Variants in POTEJ observed in about 807,000 individuals in gnomAD.
POTEJ encodes the protein POTE ankyrin domain family member J.
In POTEJ, 11 loss-of-function variants were observed where a neutral mutation model predicts 69.0. That is an observed-to-expected ratio of 0.16 (90% CI 0.10 to 0.26). POTEJ has a LOEUF of 0.26. Ranked by LOEUF, POTEJ falls within the 10% of genes least tolerant of loss-of-function variation. POTEJ has a pLI of 1.00. For synonymous variants in POTEJ, 117 were observed against 381.1 expected (o/e 0.31, Z 8.07); for missense variants, 327 against 1,045.5 (o/e 0.31, Z 9.48).
At chr2:130,623,973 T>A (rs1685614122) in intron 5 of POTEJ, 91 bp from the exon 6 acceptor site, 1 of 1,298,400 alleles carries the variant, frequency 7.7e-7, no homozygotes, top group Non-Finnish European at 1.1e-6. Context: ...ATTCTGATAT[T>A]GTTTGAAATA....
At chr2:130,612,451 G>A (rs1292910423) in intron 1 of POTEJ, among the ~76,000 whole-genome samples, 7 of 152,108 alleles carry the variant, frequency 4.6e-5, no homozygotes, top group African/African-American at 1.7e-4. Flanking sequence ...TGCTTGAATA[G>A]GAAGATTGAA....
chr2:130,649,060 G>T, intron 13 of POTEJ, among the ~76,000 whole-genome samples: 1 of 140,394 alleles, frequency 7.1e-6, no homozygotes, highest in Non-Finnish European at 1.5e-5. Context: ...ATGACATGTT[G>T]GGATTACAGG....
At chr2:130,638,404 C>T (rs1196251922) in intron 9 of POTEJ, among the ~76,000 whole-genome samples, 1 of 150,290 alleles carries the variant, frequency 6.7e-6, no homozygotes, top group Non-Finnish European at 1.5e-5. Context: ...GGTCACAGTG[C>T]CCTCGATTTA....
chr2:130,632,830 A>C (rs1162959551), intron 9 of POTEJ, among the ~76,000 whole-genome samples, 174 bp downstream of exon 9: 1 of 144,150 alleles, frequency 6.9e-6, no homozygotes, highest in Non-Finnish European at 1.5e-5. Flanking sequence ...TCCAGTCATT[A>C]ATTTATTTGA....
At chr2:130,627,051 C>T (rs1685737243) in intron 6 of POTEJ, among the ~76,000 whole-genome samples, 1 of 152,152 alleles carries the variant, frequency 6.6e-6, no homozygotes, top group African/African-American at 2.4e-5. Context: ...AGAGAAATGT[C>T]AGATAATTTC....
chr2:130,622,969 C>G (rs1425867315), intron 5 of POTEJ: 2 of 144,358 alleles, frequency 1.4e-5, no homozygotes, highest in East Asian at 1.9e-4. Context: ...GGTCATTTGA[C>G]TATTTGCTGA....
Position 130,646,599 on chromosome 2 carries a change from G to C in POTEJ, c.1667+289G>C, listed in dbSNP as rs1483485351. 4.4e-3 allele frequency among the ~76,000 whole-genome samples: 628 copies of C among 143,596 alleles called. 1 individual carries two copies. Among genetic ancestry groups the C allele is most frequent in the African/African-American group, 0.017 (608 of 35,990 alleles). 94.2% of individuals were successfully genotyped at this position (143,596 alleles called of 152,430 possible). On this transcript the variant is annotated intron_variant, in intron 13 of 14. Coordinates refer to ENST00000409602, the MANE Select transcript of POTEJ (RefSeq NM_001277083.2). ...GGTACGTGTGCAGGTTTATTATATA[G>C]GTAAACTGTATCATGGAGGCTTGGG... is the stretch of plus-strand genomic sequence containing the variant.
chr2:130,611,304 G>GC (rs1553475442), upstream of POTEJ, among the ~76,000 whole-genome samples: 3 of 142,776 alleles, frequency 2.1e-5, no homozygotes, highest in Admixed American at 6.8e-5. Flanking sequence ...TTTCTTGGGG[G>GC]GGGGGGGGTT....
intron 3 of POTEJ, among the ~76,000 whole-genome samples, chr2:130,617,663 GA>G (rs200327002): frequency 0.14 from 17,837 of 130,144 alleles, 460 homozygotes; most frequent in African/African-American, 0.26. Context: ...TAATAGATAC[GA>G]AGGTGATGCG....
Position 130,643,518 on chromosome 2 carries a change from T to TA in POTEJ, c.1370-452dup, listed in dbSNP as rs200363139. 2.2e-3 allele frequency among the ~76,000 whole-genome samples: 274 copies of TA among 123,500 alleles called. 1 individual carries two copies. Among genetic ancestry groups the TA allele is most frequent in the Middle Eastern group, 4.3e-3 (1 of 234 alleles). 81.0% of individuals were successfully genotyped at this position (123,500 alleles called of 152,430 possible). ...GTGACAGAGGAAGACCCTGACTCAT[T>TA]AAAAAAAAAAAAAGAAAAAAAGAAA... On this transcript the variant is annotated intron_variant, in intron 10 of 14. Coordinates refer to ENST00000409602, the MANE Select transcript of POTEJ (RefSeq NM_001277083.2).
chr2:130,628,860 A>G (rs1416651845), intron 6 of POTEJ, among the ~76,000 whole-genome samples: 1 of 148,876 alleles, frequency 6.7e-6, no homozygotes, highest in South Asian at 2.1e-4. Flanking sequence ...TCTACTAAAA[A>G]CACGAAAATT....
chr2:130,648,316 T>C (rs1407558726), intron 13 of POTEJ, among the ~76,000 whole-genome samples: 3 of 145,630 alleles, frequency 2.1e-5, no homozygotes, highest in Non-Finnish European at 4.5e-5. Flanking sequence ...ACCTGTTATG[T>C]AAAATTTGGA....
At chr2:130,629,594 C>G (rs1685833994) in intron 6 of POTEJ, among the ~76,000 whole-genome samples, 1 of 150,564 alleles carries the variant, frequency 6.6e-6, no homozygotes. Context: ...TGCAGGAAAA[C>G]TTGTTTCTCT....
chr2:130,625,698 A>T (rs1357545379), intron 6 of POTEJ, among the ~76,000 whole-genome samples: 1 of 144,326 alleles, frequency 6.9e-6, no homozygotes, highest in Non-Finnish European at 1.5e-5. Flanking sequence ...AAGATGCTTG[A>T]GTGAACATGG....
chr2:130,625,338 G>A (rs1359433137), intron 6 of POTEJ, among the ~76,000 whole-genome samples: 1 of 151,984 alleles, frequency 6.6e-6, no homozygotes, highest in Non-Finnish European at 1.5e-5. Flanking sequence ...TTTTTCTAAT[G>A]CTATAGACCA....
intron 13 of POTEJ, among the ~76,000 whole-genome samples, chr2:130,646,625 G>T (rs1477339867): frequency 1.4e-5 from 2 of 145,400 alleles, no homozygotes; most frequent in Non-Finnish European, 3.0e-5. Context: ...GAGGCTTGGG[G>T]TACAGATTAT....
chr2:130,646,994 T>C, intron 13 of POTEJ, among the ~76,000 whole-genome samples: 1 of 149,966 alleles, frequency 6.7e-6, no homozygotes, highest in East Asian at 1.9e-4. Context: ...TAAAGGATAT[T>C]TGTATAGATA....
intron 7 of POTEJ, among the ~76,000 whole-genome samples, chr2:130,630,963 G>A (rs866830564): frequency 6.9e-6 from 1 of 144,012 alleles, no homozygotes; most frequent in Non-Finnish European, 1.5e-5. Flanking sequence ...TTTTAGAAAA[G>A]CACTTCAGTG....
chr2:130,639,472 TAGA>T (rs1197138238), intron 10 of POTEJ, among the ~76,000 whole-genome samples: 2 of 152,304 alleles, frequency 1.3e-5, no homozygotes, highest in African/African-American at 2.4e-5. Context: ...GTAATTTTGT[TAGA>T]AGAAGGTGCT....
Sources: gnomAD v4.1 joint callset for allele counts (sites outside exome capture counted in the v4.1 genomes callset) on GRCh38, gnomAD v4.1.1 for gene constraint, MANE v1.5 for transcripts, NCBI Gene and HGNC (gene_info 2026-07-23, HGNC 2026-07-21) for gene names.